PACSIN2: variants seen among roughly 807,000 people sequenced by gnomAD.
PACSIN2 encodes protein kinase C and casein kinase substrate in neurons protein 2.
In PACSIN2, 25 loss-of-function variants were observed where a neutral mutation model predicts 63.8. The observed-to-expected ratio is 0.39, with a 90% CI of 0.29 to 0.55. The LOEUF is 0.55. PACSIN2 is among the 20% of genes least tolerant of loss of function. The pLI is 0.62. For synonymous variants in PACSIN2, 255 were observed against 256.2 expected, an observed-to-expected ratio of 1.00 and a Z score of 0.05; for missense variants, 518 against 646.9, an observed-to-expected ratio of 0.80 and a Z score of 2.16.
At chr22:42,907,492 G>A (rs1413618155) in intron 2 of PACSIN2, among the ~76,000 whole-genome samples, 1 of 152,238 alleles carries the variant, frequency 6.6e-6, no homozygotes, top group African/African-American at 2.4e-5. Flanking sequence ...AGCACGGTGG[G>A]GTGATAATTA....
chr22:42,961,131 C>T (rs1427896075), intron 1 of PACSIN2, among the ~76,000 whole-genome samples: 1 of 152,152 alleles, frequency 6.6e-6, no homozygotes, highest in Non-Finnish European at 1.5e-5. Context: ...ACGTAATTGG[C>T]AAAAGAACAT....
At chr22:42,961,000 C>T (rs1360432205) in intron 1 of PACSIN2, among the ~76,000 whole-genome samples, 1 of 152,182 alleles carries the variant, frequency 6.6e-6, no homozygotes, top group African/African-American at 2.4e-5. Context: ...GATACACATG[C>T]ACACTCCCCC....
chr22:42,893,747 T>C (rs1930089011), intron 2 of PACSIN2, 134 bp from the exon 3 acceptor site: 3 of 774,232 alleles, frequency 3.9e-6, no homozygotes, highest in African/African-American at 1.7e-5. Context: ...CTCCAAGAGT[T>C]TGAAAGGCAC....
rs1932949594 is a variant in PACSIN2 at position 42,937,118 on chromosome 22, C to G, written c.-77-24961G>C. On this transcript the variant is annotated intron_variant, in intron 1 of 10. Coordinates refer to ENST00000263246, the MANE Select transcript of PACSIN2 (RefSeq NM_001184970.3). ...GACCAAAACTCCTGCCCTCATGGGT[C>G]TGTGTTCTGGCACAGGTGACTGACC... is the stretch of plus-strand genomic sequence containing the variant. Among the ~76,000 whole-genome samples, 4 of 152,184 alleles carry G rather than the reference C, an allele frequency of 2.6e-5. No individual in the cohort carries two copies. In the South Asian group the frequency reaches 8.3e-4, roughly 31 times the overall value.
At chr22:42,999,529 C>G (rs1210659780) in intron 1 of PACSIN2, among the ~76,000 whole-genome samples, 1 of 152,142 alleles carries the variant, frequency 6.6e-6, no homozygotes, top group East Asian at 1.9e-4. Context: ...ATTAGCCCAG[C>G]GTGGTGGTAC....
At chr22:42,913,480 C>CAAA (rs138842796) in intron 1 of PACSIN2, among the ~76,000 whole-genome samples, 109 of 93,098 alleles carry the variant, frequency 1.2e-3, no homozygotes, top group African/African-American at 3.6e-3. Context: ...ACTCCGTCTC[C>CAAA]AAAAAAAAAA....
At chr22:42,908,037 A>AAC (rs138338347) in intron 2 of PACSIN2, among the ~76,000 whole-genome samples, 8,726 of 152,286 alleles carry the variant, frequency 0.057, 964 homozygotes, top group East Asian at 0.51. Context: ...CTTCAGGGCT[A>AAC]ACATTCCCAG....
chr22:42,956,739 C>T (rs1403226250), intron 1 of PACSIN2, among the ~76,000 whole-genome samples: 1 of 152,010 alleles, frequency 6.6e-6, no homozygotes, highest in Non-Finnish European at 1.5e-5. Context: ...GATTTCTAAG[C>T]CAACAGCAGC....
intron 1 of PACSIN2, among the ~76,000 whole-genome samples, chr22:42,964,113 T>C (rs751003345): frequency 2.0e-5 from 3 of 152,194 alleles, no homozygotes; most frequent in South Asian, 4.1e-4. Flanking sequence ...GCGGCAGTCA[T>C]TGTGTTTTAC....
At chr22:42,999,074 G>A (rs930141781) in intron 1 of PACSIN2, among the ~76,000 whole-genome samples, 1 of 152,194 alleles carries the variant, frequency 6.6e-6, no homozygotes, top group African/African-American at 2.4e-5. Flanking sequence ...AATTCGGGAT[G>A]CTGAACCCAA....
intron 1 of PACSIN2, among the ~76,000 whole-genome samples, chr22:42,987,489 CA>C (rs1569355069): frequency 3.5e-5 from 4 of 114,048 alleles, no homozygotes; most frequent in Non-Finnish European, 5.7e-5. Context: ...CACACACACA[CA>C]CACCCATGGC....
At chr22:42,996,184 C>A (rs1877484845) in intron 1 of PACSIN2, among the ~76,000 whole-genome samples, 1 of 151,504 alleles carries the variant, frequency 6.6e-6, no homozygotes, top group Admixed American at 6.6e-5. Context: ...TGCACCACTG[C>A]ACTCCAGGCT....
chr22:42,983,964 CT>C (rs532427677), intron 1 of PACSIN2, among the ~76,000 whole-genome samples: 2,113 of 104,552 alleles, frequency 0.02, 40 homozygotes, highest in African/African-American at 0.076. Flanking sequence ...GCACTTAGCA[CT>C]TTTTTTTTTT....
At chr22:42,882,994 C>T (rs1367985990) in intron 6 of PACSIN2, among the ~76,000 whole-genome samples, 1 of 152,180 alleles carries the variant, frequency 6.6e-6, no homozygotes, top group East Asian at 1.9e-4. Context: ...ATGCTGGAGT[C>T]CAAACCCCAG....
At chr22:42,987,491 CA>C (rs1569355082) in intron 1 of PACSIN2, among the ~76,000 whole-genome samples, 4 of 111,498 alleles carry the variant, frequency 3.6e-5, no homozygotes, top group Non-Finnish European at 5.7e-5. Flanking sequence ...CACACACACA[CA>C]CCCATGGCAC....
rs570431044 is a variant in PACSIN2, at chr22:42,991,428, G to C, written c.-78+23593C>G. On this transcript the variant is annotated intron_variant, in intron 1 of 10. Transcript: ENST00000263246. Reference sequence around the variant, plus strand: ...CACCCCACCCATCCAGGCACAGAAGGCTTCTTCTCCCTCCACCTCTCTGTC... The same window carrying C: ...CACCCCACCCATCCAGGCACAGAAGCCTTCTTCTCCCTCCACCTCTCTGTC... Among the ~76,000 whole-genome samples the C allele has an allele frequency of 5.3e-5, 8 of 152,258 alleles. No individual in the cohort carries two copies. The South Asian group carries it at 1.2e-3, about 24-fold the overall frequency.
chr22:42,971,095 C>G (rs1921224174), intron 1 of PACSIN2, among the ~76,000 whole-genome samples: 1 of 152,194 alleles, frequency 6.6e-6, no homozygotes, highest in African/African-American at 2.4e-5. Flanking sequence ...TAAAAATATT[C>G]TCCCTCTCCC....
chr22:42,947,514 G>C (rs887717230), intron 1 of PACSIN2, among the ~76,000 whole-genome samples: 1 of 152,154 alleles, frequency 6.6e-6, no homozygotes, highest in African/African-American at 2.4e-5. Flanking sequence ...CCAACAGTCT[G>C]ATGAGTGGAA....
intron 6 of PACSIN2, among the ~76,000 whole-genome samples, chr22:42,883,011 G>A (rs1022299129): frequency 4.6e-5 from 7 of 152,158 alleles, no homozygotes; most frequent in African/African-American, 1.7e-4. Flanking sequence ...CCAGTGCCTC[G>A]GAATGTGGCC....
Sources: allele counts gnomAD v4.1 joint callset (sites outside exome capture counted in the v4.1 genomes callset), GRCh38; gene constraint gnomAD v4.1.1; transcripts MANE v1.5; gene names NCBI Gene and HGNC (gene_info 2026-07-23, HGNC 2026-07-21).